The following SORCS1 variants were observed in gnomAD, a reference collection of about 807,000 sequenced individuals.
The protein encoded by SORCS1 is sortilin related VPS10 domain containing receptor 1.
A neutral mutation model predicts 146.1 loss-of-function variants in SORCS1; 60 were observed. The observed-to-expected ratio is 0.41, with a 90% confidence interval of 0.33 to 0.51. SORCS1 has a LOEUF of 0.51. Ranked by LOEUF, SORCS1 falls within the 20% of genes least tolerant of loss-of-function variation. SORCS1 has a pLI of 0.21. For synonymous variants in SORCS1, 637 were observed against 584.0 expected, an observed-to-expected ratio of 1.09 and a Z score of -1.31; for missense variants, 1,352 against 1,487.6, an observed-to-expected ratio of 0.91 and a Z score of 1.50.
At chr10:106,974,639 C>T (rs1955920019) in intron 1 of SORCS1, among the ~76,000 whole-genome samples, 1 of 152,080 alleles carries the variant, frequency 6.6e-6, no homozygotes, top group South Asian at 2.1e-4. Flanking sequence ...ATTCAGTCTC[C>T]AAAGCAAGGG....
At chr10:106,700,928 G>A (rs183083054) in intron 8 of SORCS1, among the ~76,000 whole-genome samples, 1 of 152,164 alleles carries the variant, frequency 6.6e-6, no homozygotes, top group Non-Finnish European at 1.5e-5. Flanking sequence ...TCTATCTGTT[G>A]AATGTCTATT....
Position 106,856,413 on chromosome 10 carries a change from T to G in SORCS1, c.627-26740A>C, listed in dbSNP as rs556679597. Among the ~76,000 whole-genome samples the G allele has an allele frequency of 3.9e-5, 6 of 152,320 alleles. No individual in the cohort carries two copies. In the East Asian group the frequency reaches 1.2e-3, roughly 29 times the overall value. ...CTGGAATGTGAACTTTACCAGTGCTTCTCACATTTCTTCCCTGCTTAGGTG... is the reference window on the plus strand; with the variant it reads ...CTGGAATGTGAACTTTACCAGTGCTGCTCACATTTCTTCCCTGCTTAGGTG... On this transcript the variant is annotated intron_variant, in intron 2 of 25. Transcript: ENST00000263054.
intron 3 of SORCS1, among the ~76,000 whole-genome samples, chr10:106,797,520 C>CT (rs66978703): frequency 0.21 from 30,917 of 148,040 alleles, 3,563 homozygotes; most frequent in Non-Finnish European, 0.27. Context: ...TGAGGAGTTG[C>CT]TTTTTTTTTT....
intron 1 of SORCS1, among the ~76,000 whole-genome samples, chr10:107,036,116 GC>G (rs1589984745): frequency 6.6e-6 from 1 of 151,872 alleles, no homozygotes; most frequent in Admixed American, 6.6e-5. Context: ...ATTTGATCCA[GC>G]CTGCTTGAAG....
chr10:106,691,320 C>A (rs1471491767), intron 9 of SORCS1, among the ~76,000 whole-genome samples: 1 of 152,144 alleles, frequency 6.6e-6, no homozygotes, highest in African/African-American at 2.4e-5. Flanking sequence ...GTCTGTCCTC[C>A]TTTGGGAAAA....
chr10:106,709,311 T>A lies in SORCS1; in HGVS notation c.1055A>T (p.Asn352Ile). The change falls in exon 7 of 26, where the codon AAC (asparagine) becomes ATC (isoleucine). Residue 352 changes from asparagine (N) to isoleucine (I), a missense_variant. Asn to Ile is a moderately radical substitution (Grantham distance 149). Around this residue, in one of 3 missense-constraint regions of SORCS1, gnomAD observed 490 missense variants for 489.1 expected, o/e 1.00. Coordinates refer to ENST00000263054, the MANE Select transcript of SORCS1 (RefSeq NM_052918.5). ...HSHYLTCRMQ[N>I]CTEANRNQPF... The stretch of plus-strand genomic sequence containing the variant: ...CTGATTCCTGTTGGCCTCTGTACAG[T>A]TCTGCATTCGGCAAGTTAGATAATG... 6 of 1,613,766 alleles carry A rather than the reference T, an allele frequency of 3.7e-6. No homozygotes were observed. The highest frequency in any genetic ancestry group is 4.2e-6 in the Non-Finnish European group (5 of 1,179,844).
chr10:106,904,635 G>A (rs1951840074), intron 2 of SORCS1, among the ~76,000 whole-genome samples: 1 of 152,216 alleles, frequency 6.6e-6, no homozygotes. Flanking sequence ...AAGATGCACA[G>A]CTACGTGGCG....
chr10:106,587,751 G>A (rs1488910013), intron 24 of SORCS1, among the ~76,000 whole-genome samples: 2 of 152,142 alleles, frequency 1.3e-5, no homozygotes, highest in Non-Finnish European at 2.9e-5. Flanking sequence ...ACATACCCTT[G>A]ACAAAGGACA....
Position 106,939,588 on chromosome 10 carries a change from T to C in SORCS1, c.626+16925A>G, listed in dbSNP as rs1042515327. 3.9e-5 allele frequency among the ~76,000 whole-genome samples: 6 copies of C among 152,192 alleles called. No homozygotes were observed. In the East Asian group the frequency reaches 9.6e-4, roughly 24 times the overall value. On this transcript the variant is annotated intron_variant, in intron 2 of 25. Transcript: ENST00000263054. ...TCTCCTGCTTCTGCAAGCTAAGAAG[T>C]CATAATCCTCTGCAATCACAGATTG...
rs1860436330 is a variant in SORCS1 at position 106,776,431 on chromosome 10, G to A, written c.885+103C>T. 3.4e-6 allele frequency: 5 copies of A among 1,474,380 alleles called. No homozygotes were observed. In the Admixed American group the frequency reaches 7.3e-5, roughly 21 times the overall value. The allele number at this position is 1,474,380 out of a possible 1,614,324, so 91.3% of individuals were successfully genotyped here. A position where few individuals can be genotyped will look rare whatever the true frequency, so the allele number is the denominator to read the frequency against. Reference sequence around the variant, plus strand: ...AGCACAGAGGTCAGGCTACTGCTCAGAACAAAAATGATCACTGAGGTGAAA... The same window carrying A: ...AGCACAGAGGTCAGGCTACTGCTCAAAACAAAAATGATCACTGAGGTGAAA... On this transcript the variant is annotated intron_variant, in intron 4 of 25. Transcript: ENST00000263054.
chr10:107,106,479 T>C (rs1965312649), intron 1 of SORCS1, among the ~76,000 whole-genome samples: 1 of 152,214 alleles, frequency 6.6e-6, no homozygotes, highest in Non-Finnish European at 1.5e-5. Context: ...ATTTATCTCC[T>C]GAAGAAGTGC....
At chr10:106,623,434 CAG>C (rs1156452722) in intron 19 of SORCS1, among the ~76,000 whole-genome samples, 1 of 151,976 alleles carries the variant, frequency 6.6e-6, no homozygotes, top group East Asian at 1.9e-4. Flanking sequence ...TTAGTAGAGA[CAG>C]GGTTTCACCA....
At chr10:106,749,452 C>A (rs987330301) in intron 5 of SORCS1, among the ~76,000 whole-genome samples, 1 of 152,156 alleles carries the variant, frequency 6.6e-6, no homozygotes, top group South Asian at 2.1e-4. Flanking sequence ...TGCAGTCCTA[C>A]CTAAGCAGCT....
chr10:106,718,690 G>A (rs757563478), intron 6 of SORCS1, among the ~76,000 whole-genome samples: 3 of 152,180 alleles, frequency 2.0e-5, no homozygotes, highest in South Asian at 2.1e-4. Context: ...CCCTGCCCAC[G>A]TCCTGCTGAT....
At chr10:107,065,049 G>A (rs767899151) in intron 1 of SORCS1, among the ~76,000 whole-genome samples, 1 of 152,086 alleles carries the variant, frequency 6.6e-6, no homozygotes, top group Non-Finnish European at 1.5e-5. Context: ...TCTCCTCACT[G>A]TTTCCCTCAG....
chr10:106,914,558 G>A (rs137919307), intron 2 of SORCS1, among the ~76,000 whole-genome samples: 22 of 152,172 alleles, frequency 1.4e-4, no homozygotes, highest in African/African-American at 3.9e-4. Flanking sequence ...GATCAATGGC[G>A]GCCATGCTCT....
chr10:106,714,295 T>C (rs375453727), intron 6 of SORCS1, among the ~76,000 whole-genome samples: 5 of 151,950 alleles, frequency 3.3e-5, no homozygotes, highest in African/African-American at 9.7e-5. Context: ...GAAAACATAA[T>C]GGCCAACAAT....
chr10:106,748,812 T>G lies in SORCS1; in HGVS notation c.959+12776A>C, dbSNP rs1857936451. On this transcript the variant is annotated intron_variant, in intron 5 of 25. Transcript: ENST00000263054. ...TTCTCCCACATTTACCTATGTTTTCTGCAGAAAATATGTCAATATTGATTA... is the reference window on the plus strand; with the variant it reads ...TTCTCCCACATTTACCTATGTTTTCGGCAGAAAATATGTCAATATTGATTA... Among the ~76,000 whole-genome samples the G allele has an allele frequency of 2.0e-5, 3 of 152,220 alleles. No homozygotes were observed. In the South Asian group the frequency reaches 6.2e-4, roughly 31 times the overall value.
At chr10:107,121,084 TA>T (rs1482024595) in intron 1 of SORCS1, among the ~76,000 whole-genome samples, 1 of 152,192 alleles carries the variant, frequency 6.6e-6, no homozygotes, top group East Asian at 1.9e-4. Flanking sequence ...CCGAAGTCTT[TA>T]AATTTATAAC....
Sources: gnomAD v4.1 joint callset for allele counts (sites outside exome capture counted in the v4.1 genomes callset) on GRCh38, gnomAD v4.1.1 for gene constraint, gnomAD v4.1.1 regional missense constraint, MANE v1.5 for transcripts, NCBI Gene and HGNC (gene_info 2026-07-23, HGNC 2026-07-21) for gene names.